The following ZNF516 variants were observed in gnomAD, a reference collection of about 807,000 sequenced individuals.
ZNF516 encodes the protein zinc finger protein 516.
ZNF516 carries 19 observed loss-of-function variants against 79.7 expected under a neutral mutation model. The observed-to-expected ratio is 0.24, with a 90% CI of 0.17 to 0.35. The LOEUF is 0.35. Among genes scored for constraint, ZNF516 ranks in the 10% least tolerant of loss-of-function variants. ZNF516 has a pLI of 1.00. For synonymous variants in ZNF516, 877 were observed against 739.5 expected (o/e 1.19, Z -3.02); for missense variants, 1,678 against 1,679.5 (o/e 1.00, Z 0.02).
chr18:76,398,606 AT>A (rs746580104), intron 3 of ZNF516, among the ~76,000 whole-genome samples: 3,105 of 152,288 alleles, frequency 0.02, 46 homozygotes, highest in Middle Eastern at 0.044. Context: ...AACACTAGTT[AT>A]GAAGGAATGG....
chr18:76,445,209 A>C (rs1274012007), intron 2 of ZNF516, among the ~76,000 whole-genome samples: 1 of 151,390 alleles, frequency 6.6e-6, no homozygotes, highest in Admixed American at 6.6e-5. Context: ...GTGAGCTGAG[A>C]TCATGCCACT....
chr18:76,387,798 G>C (rs1470863650), intron 3 of ZNF516: 1 of 152,266 alleles, frequency 6.6e-6, no homozygotes, highest in Non-Finnish European at 1.5e-5. Flanking sequence ...ATACTGGATA[G>C]AACAGGGCAG....
intron 3 of ZNF516, among the ~76,000 whole-genome samples, chr18:76,434,177 C>T (rs1051957931): frequency 6.6e-6 from 1 of 152,196 alleles, no homozygotes; most frequent in Non-Finnish European, 1.5e-5. Flanking sequence ...GAACCAAATT[C>T]AGGCATTTCT....
intron 1 of ZNF516, chr18:76,492,114 AGGTAGTGGGCAC>A: frequency 1.0e-6 from 1 of 967,340 alleles, no homozygotes; most frequent in Non-Finnish European, 1.2e-6. Context: ...GTCTCCGGGG[AGGTAGTGGGCAC>A]GTGGGTCCTT....
intron 3 of ZNF516, among the ~76,000 whole-genome samples, chr18:76,426,976 G>A (rs1266116995): frequency 6.6e-6 from 1 of 152,142 alleles, no homozygotes; most frequent in East Asian, 1.9e-4. Context: ...GACAGGTTAT[G>A]GAGACATCCC....
intron 5 of ZNF516, 125 bp from the exon 6 acceptor site, chr18:76,370,720 A>G: frequency 1.3e-6 from 1 of 749,448 alleles, no homozygotes. Context: ...TGTGGCTGGA[A>G]AATACCAATT....
In ZNF516 at chr18:76,451,427, G is replaced by A. The variant is rs77440898; in HGVS notation, c.-157-8216C>T. ...TTCCTCAGGAGGGGCTGGAGTGAACGGGAGGAATTGGGGAGGGAGGGAAAA... is the reference window on the plus strand; with the variant it reads ...TTCCTCAGGAGGGGCTGGAGTGAACAGGAGGAATTGGGGAGGGAGGGAAAA... On this transcript the variant is annotated intron_variant, in intron 2 of 6. Coordinates refer to ENST00000443185, the MANE Select transcript of ZNF516 (RefSeq NM_014643.4). This position sits in a 1 kb window ranked among gnomAD's most constrained non-coding sequence, Gnocchi z 6.0. Among the ~76,000 whole-genome samples, 74 of 152,322 alleles carry A rather than the reference G, an allele frequency of 4.9e-4. 1 individual carries two copies. In the East Asian group the frequency reaches 0.013, roughly 27 times the overall value.
Position 76,362,520 on chromosome 18 carries a change from A to T in ZNF516, c.3470T>A (p.Val1157Glu). The T allele has an allele frequency of 6.2e-7, 1 of 1,613,346 alleles. No individual in the cohort carries two copies. Among genetic ancestry groups the T allele is most frequent in the Non-Finnish European group, 8.5e-7 (1 of 1,179,356 alleles). Residue 1157 changes from valine (V) to glutamate (E), a missense_variant, in exon 7 of 7, where the codon GTG becomes GAG. Transcript: ENST00000443185. ...CCTTTAGGTTCCCTTTCTCAGAGGC[A>T]CTGTCTGGACGGTACCTGTGTTAGA... ...DHSNTGTVQT[V>E]PLRKGT
At chr18:76,432,927 T>C (rs2075681505) in intron 3 of ZNF516, among the ~76,000 whole-genome samples, 1 of 152,120 alleles carries the variant, frequency 6.6e-6, no homozygotes, top group South Asian at 2.1e-4. Flanking sequence ...ACGAGGCGTG[T>C]AGGGCCAGAA....
chr18:76,485,743 G>A (rs1206109051), intron 1 of ZNF516, among the ~76,000 whole-genome samples: 1 of 151,964 alleles, frequency 6.6e-6, no homozygotes, highest in Non-Finnish European at 1.5e-5. Context: ...ACCAGCATGT[G>A]TAAACAAAAC....
chr18:76,374,817 C>T (rs1168879857), intron 4 of ZNF516, among the ~76,000 whole-genome samples: 1 of 152,160 alleles, frequency 6.6e-6, no homozygotes, highest in Non-Finnish European at 1.5e-5. Context: ...GCAGACGACA[C>T]CCACCTAGCA....
chr18:76,481,848 T>C (rs2145786391), intron 1 of ZNF516, among the ~76,000 whole-genome samples: 1 of 152,318 alleles, frequency 6.6e-6, no homozygotes, highest in Middle Eastern at 3.4e-3. Flanking sequence ...ATTAATTTAA[T>C]GGGAAACAGT....
At position 76,408,202 on chromosome 18, in the gene ZNF516, C is replaced by G. The variant is rs75915276; in HGVS notation, c.1811-27899G>C. On this transcript the variant is annotated intron_variant, in intron 3 of 6. Transcript: ENST00000443185. Reference sequence around the variant, plus strand: ...AACTGGCAGGACCAGGAAAGTAGACCTTGCATGAACGTTTTTAATCGCACG... The same window carrying G: ...AACTGGCAGGACCAGGAAAGTAGACGTTGCATGAACGTTTTTAATCGCACG... Among the ~76,000 whole-genome samples the G allele has an allele frequency of 8.2e-3, 1,251 of 152,282 alleles. 24 individuals carry two copies. Among genetic ancestry groups the G allele is most frequent in the African/African-American group, 0.028 (1,160 of 41,560 alleles).
chr18:76,359,079 G>A lies in ZNF516; in HGVS notation c.*3419C>T, dbSNP rs1372202505. 1 of 152,210 alleles carries A rather than the reference G, an allele frequency of 6.6e-6. No individual in the cohort carries two copies. Among genetic ancestry groups the A allele is most frequent in the Admixed American group, 6.5e-5 (1 of 15,284 alleles). The allele number at this position is 152,210 out of a possible 1,614,324, so 9.4% of individuals were successfully genotyped here. On this transcript the variant is annotated 3_prime_UTR_variant, in exon 7 of 7. Transcript: ENST00000443185. ...GCAGAGGTGTTCTCACACCCTCAGC[G>A]ACCTGTGCACAGTGGCCGGATCAGG...
Position 76,495,136 on chromosome 18 carries a change from G to A in ZNF516, c.-272+8C>T, listed in dbSNP as rs1915431065. 6.7e-6 allele frequency: 1 copy of A among 149,804 alleles called. No homozygotes were observed. Among genetic ancestry groups the A allele is most frequent in the African/African-American group, 2.4e-5 (1 of 41,054 alleles). The allele number at this position is 149,804 out of a possible 1,614,324, so 9.3% of individuals were successfully genotyped here. ...CGGCGCAGCCCTCCCCCCGCCCGCGGCCCCTACCTTGGCAGGGAGGCGGCG... is the reference window on the plus strand; with the variant it reads ...CGGCGCAGCCCTCCCCCCGCCCGCGACCCCTACCTTGGCAGGGAGGCGGCG... On this transcript the variant is annotated splice_region_variant and intron_variant, in intron 1 of 6. Transcript: ENST00000443185.
chr18:76,442,142 T>C lies in ZNF516; in HGVS notation c.913A>G (p.Lys305Glu). ...TCCAGCTCACTCTTGGGCCTGTTCT[T>C]GCTGCCCGTCTTGGGGCCGTGCGCC... ...MKAHGPKTGS[K>E]NRPKSELDPI... The change falls in exon 3 of 7, where the codon AAG becomes GAG. Residue 305 changes from lysine to glutamate, a missense_variant. By Grantham distance (56) the Lys-to-Glu change is moderately conservative. Transcript: ENST00000443185. The C allele has an allele frequency of 6.2e-7, 1 of 1,613,988 alleles. No individual in the cohort carries two copies. The highest frequency in any genetic ancestry group is 8.5e-7 in the Non-Finnish European group (1 of 1,179,886).
chr18:76,481,835 T>C (rs76161205), intron 1 of ZNF516, among the ~76,000 whole-genome samples: 1,892 of 152,302 alleles, frequency 0.012, 43 homozygotes, highest in African/African-American at 0.043. Flanking sequence ...AAATAAAATT[T>C]CTATTAATTT....
Position 76,430,583 on chromosome 18 carries a change from T to C in ZNF516, c.1810+10662A>G, listed in dbSNP as rs1228942265. ...CTGCCATTCTCCATCAGGTTTCAGA[T>C]ATGAGATTCAAGCATGTATGTAAGT... On this transcript the variant is annotated intron_variant, in intron 3 of 6. Transcript: ENST00000443185. Among the ~76,000 whole-genome samples, 5 of 152,336 alleles carry C rather than the reference T, an allele frequency of 3.3e-5. No homozygotes were observed. The East Asian group carries it at 9.6e-4, about 29-fold the overall frequency.
intron 3 of ZNF516, chr18:76,385,734 A>G (rs1272231013): frequency 1.3e-5 from 2 of 152,008 alleles, no homozygotes; most frequent in Non-Finnish European, 2.9e-5. Flanking sequence ...AGCTCTGGTG[A>G]TGCTGAAGAA....
Sources: gnomAD v4.1 joint callset for allele counts (sites outside exome capture counted in the v4.1 genomes callset) on GRCh38, gnomAD v4.1.1 for gene constraint, Gnocchi (gnomAD v3.1) non-coding constraint, MANE v1.5 for transcripts, NCBI Gene and HGNC (gene_info 2026-07-23, HGNC 2026-07-21) for gene names.